The following RNF222 variants were observed in gnomAD, a reference collection of about 807,000 sequenced individuals.
The protein encoded by RNF222 is ring finger protein 222, also known as RING finger protein LOC643904.
RNF222 carries 14 observed loss-of-function variants against 10.8 expected under a neutral mutation model. That is an observed-to-expected ratio of 1.30 (90% CI 0.86 to 2.03). The LOEUF is 2.03. RNF222 is among the 30% of genes most tolerant of loss of function. The probability of loss-of-function intolerance (pLI) is 0.00; values close to 1 mark genes in which losing one functional copy is unlikely to be tolerated. For missense variants in RNF222, 298 were observed against 295.8 expected (o/e 1.01, Z -0.06); for synonymous variants, 141 against 142.5 (o/e 0.99, Z 0.07).
intron 1 of RNF222, among the ~76,000 whole-genome samples, chr17:8,394,991 C>T (rs1907995888): frequency 6.6e-6 from 1 of 152,194 alleles, no homozygotes; most frequent in Non-Finnish European, 1.5e-5. Flanking sequence ...CCCCTGGACA[C>T]ACTGATAAAA....
chr17:8,395,897 G>A (rs779772649), intron 1 of RNF222, among the ~76,000 whole-genome samples: 1 of 152,134 alleles, frequency 6.6e-6, no homozygotes, highest in African/African-American at 2.4e-5. Flanking sequence ...GATGGCAAGA[G>A]TTCCATCCTT....
chr17:8,395,018 C>T (rs1379759920), intron 1 of RNF222, among the ~76,000 whole-genome samples: 1 of 152,182 alleles, frequency 6.6e-6, no homozygotes, highest in Non-Finnish European at 1.5e-5. Context: ...TGCATGGCAG[C>T]CCCCAGACCT....
chr17:8,393,954 A>C (rs1907956916), intron 2 of RNF222, among the ~76,000 whole-genome samples: 1 of 152,200 alleles, frequency 6.6e-6, no homozygotes, highest in South Asian at 2.1e-4. Flanking sequence ...CTGCACCCAG[A>C]GTGGCCATTT....
Position 8,392,863 on chromosome 17 carries a change from A to G in RNF222, c.599T>C (p.Ile200Thr). Residue 200 changes from isoleucine to threonine, a missense_variant, in exon 3 of 3, where the codon ATC becomes ACC. Physicochemically the swap from Ile to Thr is moderately conservative, Grantham distance 89. Coordinates refer to ENST00000399398, the MANE Select transcript of RNF222 (RefSeq NM_001146684.3). The surrounding 1 kb of genome is among the most constrained non-coding windows in gnomAD (Gnocchi z 4.3). ...RSRALLLITL[I>T]AVVAVVAAIL... is the part of the protein sequence containing the mutation. ...GGCGGCCACCACGGCCACCACAGCGATGAGCGTGATGAGCAGCAGGGCCCG... is the reference window on the plus strand; with the variant it reads ...GGCGGCCACCACGGCCACCACAGCGGTGAGCGTGATGAGCAGCAGGGCCCG... The G allele has an allele frequency of 6.5e-7, 1 of 1,533,356 alleles. No homozygotes were observed. Among genetic ancestry groups the G allele is most frequent in the South Asian group, 1.2e-5 (1 of 83,976 alleles). 95.0% of individuals were successfully genotyped at this position (1,533,356 alleles called of 1,614,324 possible).
intron 1 of RNF222, among the ~76,000 whole-genome samples, chr17:8,396,696 C>T (rs1163251557): frequency 1.7e-4 from 26 of 152,184 alleles, no homozygotes; most frequent in Non-Finnish European, 1.5e-5. Flanking sequence ...CCGTCAACAC[C>T]TGGACGATGC....
At position 8,393,482 on chromosome 17, in the gene RNF222, C is replaced by T; in HGVS notation, c.-21G>A. On this transcript the variant is annotated 5_prime_UTR_variant, in exon 3 of 3. Coordinates refer to ENST00000399398, the MANE Select transcript of RNF222 (RefSeq NM_001146684.3). ...GACATGGCCACTGGGAGATGGCACG[C>T]TCAGCTGTGGACGGGAAGGGTTGTG... is the stretch of plus-strand genomic sequence containing the variant. 1 of 1,536,382 alleles carries T rather than the reference C, an allele frequency of 6.5e-7. No homozygotes were observed. Among genetic ancestry groups the T allele is most frequent in the Non-Finnish European group, 8.8e-7 (1 of 1,139,744 alleles).
intron 2 of RNF222, 37 bp from the exon 3 acceptor site, chr17:8,393,523 C>T: frequency 6.7e-7 from 1 of 1,486,650 alleles, no homozygotes; most frequent in Non-Finnish European, 9.0e-7. Flanking sequence ...TGGGGCATTT[C>T]CTCTTTCCCT....
At position 8,393,235 on chromosome 17, in the gene RNF222, C is replaced by T. The variant is rs556658999; in HGVS notation, c.227G>A (p.Arg76His). The T allele has an allele frequency of 3.8e-5, 59 of 1,551,002 alleles. No homozygotes were observed. The African/African-American group carries it at 6.2e-4, about 16-fold the overall frequency. Reference protein sequence around the residue: ...YVTFLSKKSSRWPSMLDKSSQ... With the variant: ...YVTFLSKKSSHWPSMLDKSSQ... ...GCTCTTGTCCAGCATGGAGGGCCAGCGGGAGCTCTTCTTGCTGAGGAATGT... is the reference window on the plus strand; with the variant it reads ...GCTCTTGTCCAGCATGGAGGGCCAGTGGGAGCTCTTCTTGCTGAGGAATGT... The change falls in exon 3 of 3, where the codon CGC (arginine) becomes CAC (histidine). Residue 76 changes from arginine (R) to histidine (H), a missense_variant. Coordinates refer to ENST00000399398, the MANE Select transcript of RNF222 (RefSeq NM_001146684.3).
chr17:8,395,430 G>A lies in RNF222; in HGVS notation c.-177-1101C>T, dbSNP rs150470251. Among the ~76,000 whole-genome samples the A allele has an allele frequency of 3.2e-3, 481 of 152,336 alleles. 3 individuals are homozygous for A. Among genetic ancestry groups the A allele is most frequent in the South Asian group, 7.0e-3 (34 of 4,826 alleles). ...CTCGGAGAGTTGTTGGGGGAATTAA[G>A]TGAGCTAATGTGAGTGAAGAGTCTG... On this transcript the variant is annotated intron_variant, in intron 1 of 2. Coordinates refer to ENST00000399398, the MANE Select transcript of RNF222 (RefSeq NM_001146684.3).
Position 8,392,661 on chromosome 17 carries a change from C to G in RNF222, c.*138G>C. The G allele has an allele frequency of 8.9e-7, 1 of 1,126,010 alleles. No individual in the cohort carries two copies. The highest frequency in any genetic ancestry group is 1.6e-5 in the South Asian group (1 of 61,510). 69.8% of individuals were successfully genotyped at this position (1,126,010 alleles called of 1,614,324 possible). ...GAAGCCCCTGCGGGGGTCGGGGAAG[C>G]CCAAGGCCCTCTCTGTGCCCAGGTC... On this transcript the variant is annotated 3_prime_UTR_variant, in exon 3 of 3. Transcript: ENST00000399398. The surrounding 1 kb of genome is among the most constrained non-coding windows in gnomAD (Gnocchi z 4.3).
intron 1 of RNF222, among the ~76,000 whole-genome samples, chr17:8,397,289 T>A (rs1219689473): frequency 6.6e-6 from 1 of 152,100 alleles, no homozygotes; most frequent in African/African-American, 2.4e-5. Flanking sequence ...AGGATGCCCC[T>A]CTGGCCACCT....
In RNF222 at chr17:8,396,563, C is replaced by T. The variant is rs183635744; in HGVS notation, c.-178+1132G>A. ...TCTGGGCAATCCTTCCCTCTTACAA[C>T]GATGGCCTCTCCGGACAATCCTTCC... On this transcript the variant is annotated intron_variant, in intron 1 of 2. Transcript: ENST00000399398. 3.6e-3 allele frequency among the ~76,000 whole-genome samples: 547 copies of T among 151,888 alleles called. 2 individuals are homozygous for T. Among genetic ancestry groups the T allele is most frequent in the African/African-American group, 0.012 (508 of 41,462 alleles).
Position 8,392,374 on chromosome 17 carries a change from G to A in RNF222, c.*425C>T, listed in dbSNP as rs2151681380. On this transcript the variant is annotated 3_prime_UTR_variant, in exon 3 of 3. Coordinates refer to ENST00000399398, the MANE Select transcript of RNF222 (RefSeq NM_001146684.3). The surrounding 1 kb of genome is among the most constrained non-coding windows in gnomAD (Gnocchi z 4.3). The stretch of plus-strand genomic sequence containing the variant: ...GAGGGCAAGCCGCAAATCCTGGGTG[G>A]GAATTCTGGCCTGGAGGATCCTGCC... 1 of 178,860 alleles carries A rather than the reference G, an allele frequency of 5.6e-6. No individual in the cohort carries two copies. The highest frequency in any genetic ancestry group is 2.7e-3 in the Middle Eastern group (1 of 374). 11.1% of individuals were successfully genotyped at this position (178,860 alleles called of 1,614,324 possible). A position where few individuals can be genotyped will look rare whatever the true frequency, so the allele number is the denominator to read the frequency against.
At position 8,392,645 on chromosome 17, in the gene RNF222, G is replaced by A; in HGVS notation, c.*154C>T. 1 of 930,166 alleles carries A rather than the reference G, an allele frequency of 1.1e-6. No homozygotes were observed. Among genetic ancestry groups the A allele is most frequent in the East Asian group, 2.8e-5 (1 of 35,556 alleles). The allele number at this position is 930,166 out of a possible 1,614,324, so 57.6% of individuals were successfully genotyped here. A position where few individuals can be genotyped will look rare whatever the true frequency, so the allele number is the denominator to read the frequency against. ...GCCTCTCTGTCGAGCGGAAGCCCCT[G>A]CGGGGGTCGGGGAAGCCCAAGGCCC... On this transcript the variant is annotated 3_prime_UTR_variant, in exon 3 of 3. Coordinates refer to ENST00000399398, the MANE Select transcript of RNF222 (RefSeq NM_001146684.3). The surrounding 1 kb of genome is among the most constrained non-coding windows in gnomAD (Gnocchi z 4.3).
intron 1 of RNF222, among the ~76,000 whole-genome samples, chr17:8,394,983 C>G (rs1212445923): frequency 6.6e-6 from 1 of 152,122 alleles, no homozygotes; most frequent in Non-Finnish European, 1.5e-5. Flanking sequence ...ACAAAAGACC[C>G]CTGGACACAC....
rs1239974269 is a variant in RNF222, at chr17:8,393,359, GGCCACA to G, written c.97_102del (p.Cys33_Gly34del). On this transcript the variant is annotated inframe_deletion, in exon 3 of 3. Transcript: ENST00000399398. ...ACCAGGCAGTCATGGCAGAACACAT[GGCCACA>G]GCTCAGCGTCCGGCTGGCGCCCTCC... is the stretch of plus-strand genomic sequence containing the variant. The G allele has an allele frequency of 6.4e-7, 1 of 1,551,696 alleles. No individual in the cohort carries two copies. The highest frequency in any genetic ancestry group is 2.0e-5 in the Admixed American group (1 of 51,000).
At chr17:8,394,537 A>G (rs1285476380) in intron 1 of RNF222, among the ~76,000 whole-genome samples, 1 of 151,300 alleles carries the variant, frequency 6.6e-6, no homozygotes, top group East Asian at 1.9e-4. Flanking sequence ...TCCTGGGTTC[A>G]AGAGATTCTC....
Sources: allele counts gnomAD v4.1 joint callset (sites outside exome capture counted in the v4.1 genomes callset), GRCh38; gene constraint gnomAD v4.1.1; non-coding constraint Gnocchi (gnomAD v3.1); transcripts MANE v1.5; gene names NCBI Gene and HGNC (gene_info 2026-07-23, HGNC 2026-07-21).